Variants in NCKAP1 observed in about 807,000 individuals in gnomAD.
NCKAP1 encodes the protein NCK associated protein 1.
A neutral mutation model predicts 151.2 loss-of-function variants in NCKAP1; 21 were observed. The ratio of observed to expected loss-of-function variants is 0.14; its 90% CI spans 0.10 to 0.20. The LOEUF (loss-of-function observed/expected upper bound fraction) is 0.20, where lower values mean the gene tolerates loss of function less well. Ranked by LOEUF, NCKAP1 falls within the 10% of genes least tolerant of loss-of-function variation. The probability of loss-of-function intolerance (pLI) is 1.00; values close to 1 mark genes in which losing one functional copy is unlikely to be tolerated. For synonymous variants in NCKAP1, 484 were observed against 451.8 expected (o/e 1.07, Z -0.90); for missense variants, 933 against 1,352.1 (o/e 0.69, Z 4.86).
At chr2:182,937,114 CAAAAAAAAAAAAAAAAAA>C (rs67087110) in intron 24 of NCKAP1, among the ~76,000 whole-genome samples, 1 of 80,810 alleles carries the variant, frequency 1.2e-5, no homozygotes, top group Non-Finnish European at 2.1e-5. Flanking sequence ...GACTGTCTCA[CAAAAAAAAAAAAAAAAAA>C]AAAAAAAAAA....
At chr2:182,987,127 A>G (rs2105859627) in intron 9 of NCKAP1, among the ~76,000 whole-genome samples, 1 of 152,178 alleles carries the variant, frequency 6.6e-6, no homozygotes, top group South Asian at 2.1e-4. Flanking sequence ...CTGTAATCCT[A>G]ACTACTTGGG....
At position 182,932,976 on chromosome 2, in the gene NCKAP1, A is replaced by G. The variant is rs180817895; in HGVS notation, c.2859+1776T>C. Among the ~76,000 whole-genome samples the G allele has an allele frequency of 7.2e-4, 110 of 152,342 alleles. 1 individual carries two copies. Among genetic ancestry groups the G allele is most frequent in the African/African-American group, 2.5e-3 (106 of 41,592 alleles). ...AAACAACAGCAACAACACCAAAAAA[A>G]CAAAGTCTGGGTCTTCAAGATATAT... On this transcript the variant is annotated intron_variant, in intron 26 of 30. Coordinates refer to ENST00000361354, the MANE Select transcript of NCKAP1 (RefSeq NM_013436.5).
chr2:182,928,092 A>C lies in NCKAP1; in HGVS notation c.3180+25T>G. 2.1e-6 allele frequency: 3 copies of C among 1,452,588 alleles called. No homozygotes were observed. In the East Asian group the frequency reaches 6.9e-5, roughly 33 times the overall value. 90.0% of individuals were successfully genotyped at this position (1,452,588 alleles called of 1,614,324 possible). A position where few individuals can be genotyped will look rare whatever the true frequency, so the allele number is the denominator to read the frequency against. ...TTAGTTTTCTTTATAAAATGTGATG[A>C]GTTTTGTTATTTGATTATACATACC... On this transcript the variant is annotated intron_variant, in intron 29 of 30. Transcript: ENST00000361354.
intron 9 of NCKAP1, among the ~76,000 whole-genome samples, chr2:182,987,727 C>G (rs576416284): frequency 6.6e-6 from 1 of 152,174 alleles, no homozygotes; most frequent in South Asian, 2.1e-4. Flanking sequence ...AATGACAAAG[C>G]CCATCTTGCA....
chr2:183,018,403 T>A (rs1359178961), intron 2 of NCKAP1, among the ~76,000 whole-genome samples: 1 of 151,888 alleles, frequency 6.6e-6, no homozygotes, highest in East Asian at 1.9e-4. Flanking sequence ...TTAATAGGAG[T>A]CATGACAAAA....
chr2:182,972,226 A>C, intron 15 of NCKAP1, among the ~76,000 whole-genome samples: 1 of 8,726 alleles, frequency 1.1e-4, no homozygotes, highest in Non-Finnish European at 2.2e-4. Context: ...CTTAATAGCA[A>C]AAAAAAAAAA....
intron 8 of NCKAP1, among the ~76,000 whole-genome samples, chr2:182,993,443 C>T (rs576026629): frequency 2.6e-5 from 4 of 152,190 alleles, no homozygotes; most frequent in African/African-American, 9.6e-5. Flanking sequence ...AAAATTATTC[C>T]CCTGTGGCAG....
chr2:183,031,222 CA>C (rs11410653), intron 1 of NCKAP1, among the ~76,000 whole-genome samples: 2 of 151,038 alleles, frequency 1.3e-5, no homozygotes, highest in African/African-American at 2.4e-5. Flanking sequence ...ATTAGTGATT[CA>C]AAAAAAAGAA....
intron 8 of NCKAP1, among the ~76,000 whole-genome samples, chr2:182,993,089 AAC>A (rs1698200394): frequency 6.6e-6 from 1 of 152,234 alleles, no homozygotes; most frequent in African/African-American, 2.4e-5. Flanking sequence ...CAGGACCATC[AAC>A]AGATACCAAA....
At chr2:183,024,865 T>A (rs1204359889) in intron 1 of NCKAP1, 10 of 1,227,482 alleles carry the variant, frequency 8.1e-6, no homozygotes, top group Middle Eastern at 1.9e-4. Context: ...ATTTTATAGT[T>A]TTCCATTGTT....
Position 182,957,501 on chromosome 2 carries a change from T to C in NCKAP1, c.1977A>G (p.Lys659=). ...TTTTCCTCATGCTCTCAACACCTGG[T>C]TTCTCCCTTTCAGGTTCCCCTTTCT... is the stretch of plus-strand genomic sequence containing the variant. The part of the protein sequence containing the change: ...TGKKGEPERE[K]PGVESMRKNR... The change falls in exon 19 of 31, where the codon AAA becomes AAG. Residue 659 remains lysine, a synonymous_variant. Transcript: ENST00000361354. 6.2e-7 allele frequency: 1 copy of C among 1,614,094 alleles called. No homozygotes were observed. The highest frequency in any genetic ancestry group is 8.5e-7 in the Non-Finnish European group (1 of 1,179,980).
intron 22 of NCKAP1, 112 bp downstream of exon 22, chr2:182,952,681 G>T: frequency 8.3e-7 from 1 of 1,208,078 alleles, no homozygotes; most frequent in Non-Finnish European, 1.1e-6. Context: ...ATGCAGTTAC[G>T]CATATAATTG....
chr2:182,976,825 A>G, intron 15 of NCKAP1, 68 bp downstream of exon 15: 2 of 940,334 alleles, frequency 2.1e-6, no homozygotes, highest in Non-Finnish European at 1.5e-6. Context: ...AATATTTTAT[A>G]GTTGTTATAA....
rs956776233 is a variant in NCKAP1, at chr2:183,015,802, C to CA, written c.219+8003dup. Among the ~76,000 whole-genome samples the CA allele has an allele frequency of 1.2e-3, 138 of 117,288 alleles. 1 individual carries two copies. The highest frequency in any genetic ancestry group is 3.3e-3 in the African/African-American group (106 of 31,744). The allele number at this position is 117,288 out of a possible 152,430, so 76.9% of individuals were successfully genotyped here. A position where few individuals can be genotyped will look rare whatever the true frequency, so the allele number is the denominator to read the frequency against. The stretch of plus-strand genomic sequence containing the variant: ...TCAGAACACTGTATAATTACAGAAC[C>CA]AAAAAAAAAAGCATTAACAATTTTG... On this transcript the variant is annotated intron_variant, in intron 2 of 30. Transcript: ENST00000361354.
intron 20 of NCKAP1, among the ~76,000 whole-genome samples, chr2:182,955,984 G>A (rs1210224267): frequency 6.6e-6 from 1 of 152,098 alleles, no homozygotes; most frequent in African/African-American, 2.4e-5. Flanking sequence ...AATACTAATA[G>A]GTATGAGAAA....
intron 2 of NCKAP1, among the ~76,000 whole-genome samples, chr2:183,009,729 T>G (rs1698556665): frequency 6.6e-6 from 1 of 152,184 alleles, no homozygotes; most frequent in South Asian, 2.1e-4. Flanking sequence ...ACCATCCATC[T>G]CCAGATGGTT....
chr2:182,912,161 T>C lies in NCKAP1; in HGVS notation c.*13541A>G, dbSNP rs1696405310. The C allele has an allele frequency of 6.6e-6, 1 of 152,208 alleles. No individual in the cohort carries two copies. Among genetic ancestry groups the C allele is most frequent in the Non-Finnish European group, 1.5e-5 (1 of 68,026 alleles). 9.4% of individuals were successfully genotyped at this position (152,208 alleles called of 1,614,324 possible). The stretch of plus-strand genomic sequence containing the variant: ...CTGAAAAAGAAAATGAAGACCATCT[T>C]AAAATATCTTTGGATATTGGCAAAA... On this transcript the variant is annotated 3_prime_UTR_variant, in exon 31 of 31. Transcript: ENST00000361354.
chr2:182,956,705 T>G (rs1697335628), intron 19 of NCKAP1, 112 bp from the exon 20 acceptor site: 4 of 1,117,386 alleles, frequency 3.6e-6, no homozygotes, highest in African/African-American at 1.6e-5. Flanking sequence ...AGAATTCGAC[T>G]TTTTATTCTC....
chr2:182,929,475 G>T (rs1379527319), intron 27 of NCKAP1, among the ~76,000 whole-genome samples: 1 of 151,860 alleles, frequency 6.6e-6, no homozygotes, highest in African/African-American at 2.4e-5. Flanking sequence ...GAAGACAGAA[G>T]AAACTAGTCA....
Sources: gnomAD v4.1 joint callset for allele counts (sites outside exome capture counted in the v4.1 genomes callset) on GRCh38, gnomAD v4.1.1 for gene constraint, MANE v1.5 for transcripts, NCBI Gene and HGNC (gene_info 2026-07-23, HGNC 2026-07-21) for gene names.